CNTNAP2: variants seen among roughly 807,000 people sequenced by gnomAD.
CNTNAP2 encodes contactin-associated protein-like 2.
In CNTNAP2, 98 loss-of-function variants were observed where a neutral mutation model predicts 155.2. The observed-to-expected ratio is 0.63, with a 90% CI of 0.54 to 0.75. The LOEUF is 0.75. Among genes scored for constraint, CNTNAP2 ranks in the 30% least tolerant of loss-of-function variants. CNTNAP2 has a pLI of 0.00. For missense variants in CNTNAP2, 1,727 were observed against 1,688.1 expected (o/e 1.02, Z -0.40); for synonymous variants, 651 against 631.2 (o/e 1.03, Z -0.47).
chr7:147,761,709 T>A (rs188277009), intron 13 of CNTNAP2, among the ~76,000 whole-genome samples: 4 of 152,178 alleles, frequency 2.6e-5, no homozygotes, highest in Admixed American at 2.6e-4. Context: ...GCTGTAAGAT[T>A]GGAGAGGATG....
At chr7:146,780,455 C>T (rs1802465944) in intron 2 of CNTNAP2, among the ~76,000 whole-genome samples, 1 of 152,088 alleles carries the variant, frequency 6.6e-6, no homozygotes, top group Non-Finnish European at 1.5e-5. Flanking sequence ...TCCCAAAGTC[C>T]TGGGATTACA....
intron 3 of CNTNAP2, among the ~76,000 whole-genome samples, chr7:146,922,348 G>C (rs1014437440): frequency 2.0e-5 from 3 of 151,592 alleles, no homozygotes; most frequent in Admixed American, 6.6e-5. Flanking sequence ...TATAGATTGT[G>C]TCAAATTTGC....
At chr7:148,364,058 C>T (rs1431584881) in intron 21 of CNTNAP2, among the ~76,000 whole-genome samples, 3 of 152,224 alleles carry the variant, frequency 2.0e-5, no homozygotes, top group African/African-American at 4.8e-5. Flanking sequence ...GGGCAGGGCT[C>T]GGGACCTGCA....
chr7:146,913,077 G>A (rs1796319961), intron 3 of CNTNAP2, among the ~76,000 whole-genome samples: 1 of 152,136 alleles, frequency 6.6e-6, no homozygotes, highest in South Asian at 2.1e-4. Flanking sequence ...AATGTCTATA[G>A]ATTCTGGGTT....
At chr7:147,683,949 C>A in intron 13 of CNTNAP2, among the ~76,000 whole-genome samples, 1 of 151,694 alleles carries the variant, frequency 6.6e-6, no homozygotes, top group East Asian at 1.9e-4. Flanking sequence ...TTAAAACCTA[C>A]TTTTTCATTC....
At chr7:146,622,243 ATATCTATCTATCTATC>A (rs71165020) in intron 1 of CNTNAP2, among the ~76,000 whole-genome samples, 2,871 of 144,378 alleles carry the variant, frequency 0.02, 70 homozygotes, top group African/African-American at 0.062. Flanking sequence ...ATGTGTGTGT[ATATCTATCTATCTATC>A]TATCTATCTA....
chr7:147,825,845 T>C (rs1798437944), intron 13 of CNTNAP2, among the ~76,000 whole-genome samples: 1 of 152,092 alleles, frequency 6.6e-6, no homozygotes, highest in African/African-American at 2.4e-5. Flanking sequence ...CAAGGAAGGC[T>C]TTTTAAAAAG....
chr7:146,640,705 A>G (rs1799689850), intron 1 of CNTNAP2, among the ~76,000 whole-genome samples: 3 of 152,184 alleles, frequency 2.0e-5, no homozygotes, highest in Non-Finnish European at 2.9e-5. Context: ...ATGCAGTTGC[A>G]CTAATGTGCT....
intron 9 of CNTNAP2, among the ~76,000 whole-genome samples, chr7:147,390,203 T>G (rs1408518732): frequency 6.6e-6 from 1 of 152,208 alleles, no homozygotes; most frequent in Non-Finnish European, 1.5e-5. Context: ...CTAAGGGAAC[T>G]GTCAATATTC....
intron 11 of CNTNAP2, among the ~76,000 whole-genome samples, chr7:147,543,107 C>T (rs1206622554): frequency 6.6e-6 from 1 of 152,146 alleles, no homozygotes; most frequent in Non-Finnish European, 1.5e-5. Flanking sequence ...CAGGGATTTA[C>T]CCACATATTT....
chr7:147,115,371 T>C (rs1003017937), intron 5 of CNTNAP2, among the ~76,000 whole-genome samples: 3 of 152,216 alleles, frequency 2.0e-5, no homozygotes, highest in African/African-American at 7.2e-5. Context: ...GCCTTCTTCC[T>C]AGGTTGGGGA....
rs571230210 is a variant in CNTNAP2, at chr7:146,134,940, AGGAT to A, written c.97+17968_97+17971del. Among the ~76,000 whole-genome samples the A allele has an allele frequency of 5.0e-3, 762 of 151,748 alleles. 2 individuals carry two copies. Among genetic ancestry groups the A allele is most frequent in the Middle Eastern group, 0.02 (6 of 294 alleles). On this transcript the variant is annotated intron_variant, in intron 1 of 23. Transcript: ENST00000361727. ...GCTGGCCTCATAAAATGAGTTAGGGAGGATTCCCTCTTTTTCTATTGATTGGAAT... is the reference window on the plus strand; with the variant it reads ...GCTGGCCTCATAAAATGAGTTAGGGATCCCTCTTTTTCTATTGATTGGAAT...
At chr7:147,898,618 C>A (rs1002255248) in intron 13 of CNTNAP2, among the ~76,000 whole-genome samples, 3 of 152,194 alleles carry the variant, frequency 2.0e-5, no homozygotes, top group South Asian at 2.1e-4. Context: ...CACCGAGGTT[C>A]TAGTGATTCT....
chr7:146,749,549 G>A (rs1801867593), intron 1 of CNTNAP2, among the ~76,000 whole-genome samples: 2 of 152,090 alleles, frequency 1.3e-5, no homozygotes, highest in African/African-American at 4.8e-5. Flanking sequence ...ACAAAGCCAA[G>A]CTGTCTTAGG....
At chr7:147,175,150 T>G (rs146612327) in intron 8 of CNTNAP2, among the ~76,000 whole-genome samples, 3 of 152,152 alleles carry the variant, frequency 2.0e-5, no homozygotes, top group African/African-American at 7.2e-5. Context: ...ACAGAAAAGT[T>G]AAATATTATA....
intron 3 of CNTNAP2, among the ~76,000 whole-genome samples, chr7:146,906,116 C>A (rs565835411): frequency 3.0e-4 from 45 of 152,334 alleles, no homozygotes; most frequent in African/African-American, 9.9e-4. Flanking sequence ...CGGCGCACCA[C>A]GGGACTATAT....
At chr7:147,228,293 A>G (rs1198193679) in intron 8 of CNTNAP2, among the ~76,000 whole-genome samples, 2 of 152,220 alleles carry the variant, frequency 1.3e-5, no homozygotes, top group African/African-American at 4.8e-5. Context: ...AAACATGGTT[A>G]TGATTATTTT....
chr7:147,296,679 G>C (rs1584853806), intron 8 of CNTNAP2, among the ~76,000 whole-genome samples: 1 of 152,144 alleles, frequency 6.6e-6, no homozygotes, highest in Non-Finnish European at 1.5e-5. Context: ...GTACCAAAAA[G>C]TAGACCCTGA....
chr7:147,923,300 A>G (rs1349103524), intron 14 of CNTNAP2, among the ~76,000 whole-genome samples: 1 of 152,158 alleles, frequency 6.6e-6, no homozygotes, highest in Non-Finnish European at 1.5e-5. Context: ...TGTTATCCTC[A>G]TGAGAAGAGG....
Sources: gnomAD v4.1 joint callset for allele counts (sites outside exome capture counted in the v4.1 genomes callset) on GRCh38, gnomAD v4.1.1 for gene constraint, MANE v1.5 for transcripts, NCBI Gene and HGNC (gene_info 2026-07-23, HGNC 2026-07-21) for gene names.